ETV1: variants seen among roughly 807,000 people sequenced by gnomAD.
ETV1 encodes ETS translocation variant 1.
Under a neutral mutation model 62.3 loss-of-function variants are expected in ETV1, and 27 were observed. The ratio of observed to expected loss-of-function variants is 0.43; its 90% CI spans 0.32 to 0.60. The LOEUF (loss-of-function observed/expected upper bound fraction) is 0.60, where lower values mean the gene tolerates loss of function less well. Ranked by LOEUF, ETV1 falls within the 20% of genes least tolerant of loss-of-function variation. ETV1 has a pLI of 0.06. For missense variants in ETV1, 605 were observed against 605.8 expected (o/e 1.00, Z 0.01); for synonymous variants, 222 against 199.6 (o/e 1.11, Z -0.94).
Position 13,897,208 on chromosome 7 carries a change from T to G in ETV1, c.1213-1121A>C, listed in dbSNP as rs1430475188. On this transcript the variant is annotated intron_variant, in intron 13 of 13. Coordinates refer to ENST00000430479, the MANE Select transcript of ETV1 (RefSeq NM_004956.5). ...TATTAACTTTGATAGTCACTTTGTATGGGTGTGTGTAAAGGTATGAGATTT... is the reference window on the plus strand; with the variant it reads ...TATTAACTTTGATAGTCACTTTGTAGGGGTGTGTGTAAAGGTATGAGATTT... Among the ~76,000 whole-genome samples the G allele has an allele frequency of 3.9e-5, 6 of 152,258 alleles. No individual in the cohort carries two copies. The South Asian group carries it at 1.2e-3, about 32-fold the overall frequency.
chr7:13,940,712 GTCAT>G (rs1004442926), intron 6 of ETV1, among the ~76,000 whole-genome samples: 44 of 152,252 alleles, frequency 2.9e-4, no homozygotes, highest in Middle Eastern at 3.4e-3. Context: ...GATGTCATTT[GTCAT>G]TCAATCTTAA....
chr7:13,925,029 G>A (rs897586914), intron 9 of ETV1, among the ~76,000 whole-genome samples: 8 of 152,030 alleles, frequency 5.3e-5, no homozygotes, highest in Non-Finnish European at 7.4e-5. Context: ...CCGTTTCTTC[G>A]GCAAACATAT....
chr7:13,989,077 C>G lies in ETV1; in HGVS notation c.-25G>C. On this transcript the variant is annotated 5_prime_UTR_variant, in exon 3 of 14. Coordinates refer to ENST00000430479, the MANE Select transcript of ETV1 (RefSeq NM_004956.5). Reference sequence around the variant, plus strand: ...TGCTGCTGCTCTTCGCAAATCTCAGCTCAGTATTTTATATTTTGAGCATTT... The same window carrying G: ...TGCTGCTGCTCTTCGCAAATCTCAGGTCAGTATTTTATATTTTGAGCATTT... The G allele has an allele frequency of 1.3e-6, 2 of 1,543,050 alleles. No homozygotes were observed. Among genetic ancestry groups the G allele is most frequent in the Non-Finnish European group, 1.7e-6 (2 of 1,149,624 alleles).
intron 6 of ETV1, among the ~76,000 whole-genome samples, chr7:13,950,909 C>CACACAA (rs907212640): frequency 1.4e-5 from 1 of 69,710 alleles, no homozygotes; most frequent in African/African-American, 3.4e-5. Context: ...AACACACACA[C>CACACAA]ACACACACAC....
At chr7:13,988,519 G>A (rs1298777528) in intron 3 of ETV1, 9 of 770,666 alleles carry the variant, frequency 1.2e-5, no homozygotes, top group Admixed American at 3.5e-5. Context: ...AAAACAGTGG[G>A]TTTTATTCTC....
At chr7:13,919,962 C>T (rs1784646636) in intron 9 of ETV1, among the ~76,000 whole-genome samples, 1 of 152,070 alleles carries the variant, frequency 6.6e-6, no homozygotes, top group Admixed American at 6.6e-5. Context: ...TTTCAAATCT[C>T]AGTTCCACTT....
chr7:13,908,821 C>T (rs1223501425), intron 11 of ETV1, among the ~76,000 whole-genome samples: 2 of 151,970 alleles, frequency 1.3e-5, no homozygotes, highest in African/African-American at 4.8e-5. Flanking sequence ...TAGCCATGAC[C>T]CCCAAAGTTT....
intron 10 of ETV1, chr7:13,910,602 G>C (rs914155048): frequency 1.9e-5 from 4 of 206,748 alleles, no homozygotes; most frequent in Admixed American, 1.3e-4. Flanking sequence ...TCCTATTAAA[G>C]AGATGTAGAG....
intron 12 of ETV1, among the ~76,000 whole-genome samples, chr7:13,901,472 G>A (rs931129853): frequency 1.3e-5 from 2 of 152,156 alleles, no homozygotes; most frequent in South Asian, 4.1e-4. Context: ...TTCATTCTGA[G>A]ATATACTGTC....
rs764209796 is a variant in ETV1, at chr7:13,931,527, T to C, written c.777A>G (p.Glu259=). 7.4e-6 allele frequency: 12 copies of C among 1,613,920 alleles called. No individual in the cohort carries two copies. The highest frequency in any genetic ancestry group is 2.7e-5 in the African/African-American group (2 of 74,954). ...SFPPPLMIKQ[E]PRDFAYDSEV... is the part of the protein sequence containing the mutation. ...CTGAGTCATATGCAAAATCTCTGGG[T>C]TCCTGTTTAATCATCAGAGGAGGGG... The change falls in exon 9 of 14, where the codon GAA becomes GAG. Residue 259 remains glutamate, a synonymous_variant. Coordinates refer to ENST00000430479, the MANE Select transcript of ETV1 (RefSeq NM_004956.5).
At chr7:13,916,514 T>C (rs1455792101) in intron 9 of ETV1, among the ~76,000 whole-genome samples, 1 of 152,036 alleles carries the variant, frequency 6.6e-6, no homozygotes, top group Non-Finnish European at 1.5e-5. Flanking sequence ...GGCGCGTGCC[T>C]GTCATCCCAG....
chr7:13,950,502 A>G (rs1366365325), intron 6 of ETV1, among the ~76,000 whole-genome samples: 1 of 152,126 alleles, frequency 6.6e-6, no homozygotes, highest in African/African-American at 2.4e-5. Flanking sequence ...CCCGGAAGTG[A>G]TCAGGTGTCT....
chr7:13,988,595 G>GAGAAAAGAAAA (rs1782768491), intron 3 of ETV1: 1 of 769,000 alleles, frequency 1.3e-6, no homozygotes, highest in African/African-American at 4.0e-5. Flanking sequence ...GTAGAGAAAT[G>GAGAAAAGAAAA]AAAAAAAAAA....
At chr7:13,942,717 G>A (rs936905171) in intron 6 of ETV1, among the ~76,000 whole-genome samples, 1 of 152,170 alleles carries the variant, frequency 6.6e-6, no homozygotes, top group East Asian at 1.9e-4. Context: ...AAGGAGCAGC[G>A]ACATATAAGG....
At chr7:13,984,358 T>C (rs1460603645) in intron 5 of ETV1, among the ~76,000 whole-genome samples, 1 of 152,042 alleles carries the variant, frequency 6.6e-6, no homozygotes, top group East Asian at 1.9e-4. Flanking sequence ...AATGGACACA[T>C]CTCACTACAA....
chr7:13,938,187 C>T (rs1031027819), intron 7 of ETV1, among the ~76,000 whole-genome samples: 7 of 152,140 alleles, frequency 4.6e-5, no homozygotes, highest in Non-Finnish European at 8.8e-5. Flanking sequence ...TCAGGTGATC[C>T]GCCCAACTCT....
At chr7:13,910,228 C>CTTT (rs58867942) in intron 10 of ETV1, among the ~76,000 whole-genome samples, 13,714 of 120,022 alleles carry the variant, frequency 0.11, 923 homozygotes, top group East Asian at 0.2. Context: ...AAAAGTTTCC[C>CTTT]TTTTTTTTTT....
At chr7:13,908,913 C>T (rs1428668156) in intron 11 of ETV1, among the ~76,000 whole-genome samples, 3 of 152,050 alleles carry the variant, frequency 2.0e-5, no homozygotes, top group Non-Finnish European at 4.4e-5. Context: ...CTCTGAAGAA[C>T]CACTAAATCA....
intron 9 of ETV1, among the ~76,000 whole-genome samples, chr7:13,911,903 G>C (rs1315389344): frequency 6.6e-6 from 1 of 152,156 alleles, no homozygotes; most frequent in Non-Finnish European, 1.5e-5. Flanking sequence ...CAAATAGTTA[G>C]CAATCCATTT....
Sources: gnomAD v4.1 joint callset for allele counts (sites outside exome capture counted in the v4.1 genomes callset) on GRCh38, gnomAD v4.1.1 for gene constraint, MANE v1.5 for transcripts, NCBI Gene and HGNC (gene_info 2026-07-23, HGNC 2026-07-21) for gene names.